DAPK2: variants seen among roughly 807,000 people sequenced by gnomAD.
DAPK2 encodes death-associated protein kinase 2.
Under a neutral mutation model 44.1 loss-of-function variants are expected in DAPK2, and 35 were observed. That is an observed-to-expected ratio of 0.79 (90% CI 0.61 to 1.05). DAPK2 has a LOEUF of 1.05. Ranked by LOEUF, DAPK2 falls within the 50% of genes least tolerant of loss-of-function variation. DAPK2 has a pLI of 0.00. For synonymous variants in DAPK2, 174 were observed against 182.6 expected (o/e 0.95, Z 0.38); for missense variants, 453 against 483.2 (o/e 0.94, Z 0.59).
Position 63,923,410 on chromosome 15 carries a change from G to C in DAPK2, c.858+1406C>G. The C allele has an allele frequency of 6.7e-7, 1 of 1,491,674 alleles. No individual in the cohort carries two copies. The highest frequency in any genetic ancestry group is 8.9e-7 in the Non-Finnish European group (1 of 1,123,862). 92.4% of individuals were successfully genotyped at this position (1,491,674 alleles called of 1,614,324 possible). A position where few individuals can be genotyped will look rare whatever the true frequency, so the allele number is the denominator to read the frequency against. ...CGCCCACCCCAGAGGGCAGTCCAAA[G>C]GGTAGGCAGAAGGCACACAAGCGGC... On this transcript the variant is annotated intron_variant, in intron 8 of 10. Coordinates refer to ENST00000261891, the Ensembl canonical transcript of DAPK2. This position sits in a 1 kb window ranked among gnomAD's most constrained non-coding sequence, Gnocchi z 4.2.
upstream of DAPK2, among the ~76,000 whole-genome samples, chr15:64,043,490 G>C (rs1428955380): frequency 6.6e-6 from 1 of 152,184 alleles, no homozygotes; most frequent in Non-Finnish European, 1.5e-5. Flanking sequence ...ACATAATGTT[G>C]AATGAAAGTA....
chr15:64,043,636 G>T (rs889672328), upstream of DAPK2, among the ~76,000 whole-genome samples: 1 of 152,200 alleles, frequency 6.6e-6, no homozygotes. Context: ...CAGAGTGCCA[G>T]CAATGTTGTT....
intron 1 of DAPK2, among the ~76,000 whole-genome samples, chr15:64,035,638 AT>A (rs1403798539): frequency 6.6e-6 from 1 of 152,152 alleles, no homozygotes. Flanking sequence ...GTTTCTCTTT[AT>A]GAGCCCTGCT....
In DAPK2 at chr15:64,006,882, A is replaced by G. The variant is rs547871900; in HGVS notation, c.93-23128T>C. Among the ~76,000 whole-genome samples the G allele has an allele frequency of 5.3e-5, 8 of 152,280 alleles. No homozygotes were observed. The East Asian group carries it at 1.2e-3, about 22-fold the overall frequency. On this transcript the variant is annotated intron_variant, in intron 1 of 10. Transcript: ENST00000261891. ...ATTACATCAATCTAGCAGGTAGCCAAGAAGGAAGTAGACATTATTCTTCCC... is the reference window on the plus strand; with the variant it reads ...ATTACATCAATCTAGCAGGTAGCCAGGAAGGAAGTAGACATTATTCTTCCC...
chr15:63,930,142 G>A (rs776700176), intron 5 of DAPK2, among the ~76,000 whole-genome samples: 3 of 152,168 alleles, frequency 2.0e-5, no homozygotes, highest in Non-Finnish European at 2.9e-5. Context: ...GTGAGTCTGC[G>A]CCTCCCCCTT....
intron 6 of DAPK2, 43 bp downstream of exon 7, chr15:63,929,508 C>A: frequency 1.2e-6 from 2 of 1,613,294 alleles, no homozygotes; most frequent in Non-Finnish European, 1.7e-6. Context: ...CTGGTTCCCC[C>A]AGATCTAAGC....
At chr15:63,968,817 G>A (rs558606160) in intron 3 of DAPK2, among the ~76,000 whole-genome samples, 2 of 152,276 alleles carry the variant, frequency 1.3e-5, no homozygotes, top group South Asian at 2.1e-4. Context: ...CAAACATCAC[G>A]AACCTGCTGC....
chr15:63,982,441 G>A (rs1435196273), intron 2 of DAPK2, among the ~76,000 whole-genome samples: 1 of 152,022 alleles, frequency 6.6e-6, no homozygotes, highest in Non-Finnish European at 1.5e-5. Context: ...GCCCGCCTTG[G>A]CCTCCCAAAG....
chr15:63,971,740 T>C (rs1273885131), intron 2 of DAPK2, among the ~76,000 whole-genome samples, 179 bp from the exon 4 acceptor site: 1 of 152,212 alleles, frequency 6.6e-6, no homozygotes, highest in Non-Finnish European at 1.5e-5. Flanking sequence ...TTTGCTCCTA[T>C]TTGCTTTGTT....
chr15:63,995,173 GGTT>G (rs888948321), intron 1 of DAPK2, among the ~76,000 whole-genome samples: 2 of 151,802 alleles, frequency 1.3e-5, no homozygotes, highest in Admixed American at 6.6e-5. Context: ...ATACATCCCT[GGTT>G]GTTGTTGTTG....
At chr15:63,925,828 A>T (rs2079241089) in intron 7 of DAPK2, 113 bp downstream of exon 8, 6 of 1,374,874 alleles carry the variant, frequency 4.4e-6, no homozygotes, top group Non-Finnish European at 6.1e-6. Context: ...GGATTAGACC[A>T]CAACAGTGCA....
At chr15:64,040,839 G>A (rs768347301), upstream of DAPK2, among the ~76,000 whole-genome samples, 51 of 148,046 alleles carry the variant, frequency 3.4e-4, 1 homozygote, top group Admixed American at 5.5e-4. Context: ...ACTTGAACCC[G>A]GGAGGCAGAG....
chr15:63,984,684 C>T (rs1267031102), intron 1 of DAPK2, among the ~76,000 whole-genome samples: 4 of 152,182 alleles, frequency 2.6e-5, no homozygotes, highest in African/African-American at 9.7e-5. Flanking sequence ...TTCTTGCCAC[C>T]CAAAATACCC....
At chr15:63,947,214 CT>C (rs1187415322) in intron 3 of DAPK2, among the ~76,000 whole-genome samples, 1 of 152,182 alleles carries the variant, frequency 6.6e-6, no homozygotes, top group African/African-American at 2.4e-5. Context: ...ACTGGAACTT[CT>C]TCTATGATCT....
chr15:64,033,914 C>CAA (rs1301906196), intron 1 of DAPK2, among the ~76,000 whole-genome samples: 4 of 103,708 alleles, frequency 3.9e-5, no homozygotes, highest in Non-Finnish European at 4.1e-5. Flanking sequence ...GACTCTGTCT[C>CAA]AAAAAAAAAA....
In DAPK2 at chr15:64,020,178, C is replaced by T. The variant is rs566836297; in HGVS notation, c.92+19992G>A. ...TTGCAGGACACTAAGTGCCAGAAGG[C>T]ACTTATATGCTAGAGATGGGGGAAA... is the stretch of plus-strand genomic sequence containing the variant. On this transcript the variant is annotated intron_variant, in intron 1 of 10. Transcript: ENST00000261891. The surrounding 1 kb of genome is among the most constrained non-coding windows in gnomAD (Gnocchi z 4.5). Among the ~76,000 whole-genome samples, 1 of 152,278 alleles carries T rather than the reference C, an allele frequency of 6.6e-6. No individual in the cohort carries two copies. Among genetic ancestry groups the T allele is most frequent in the Non-Finnish European group, 1.5e-5 (1 of 68,014 alleles).
At chr15:64,003,984 T>G (rs2079162959) in intron 1 of DAPK2, among the ~76,000 whole-genome samples, 1 of 152,222 alleles carries the variant, frequency 6.6e-6, no homozygotes, top group African/African-American at 2.4e-5. Flanking sequence ...CCATGTGCCT[T>G]AACTTTTTTT....
At chr15:63,982,351 C>G (rs1470537729) in intron 2 of DAPK2, among the ~76,000 whole-genome samples, 1 of 151,972 alleles carries the variant, frequency 6.6e-6, no homozygotes, top group Admixed American at 6.6e-5. Flanking sequence ...CCACCACACC[C>G]GGCTAATTTT....
chr15:63,990,475 CCT>C lies in DAPK2; in HGVS notation c.93-6723_93-6722del, dbSNP rs1283558460. Among the ~76,000 whole-genome samples, 1 of 151,872 alleles carries C rather than the reference CCT, an allele frequency of 6.6e-6. No individual in the cohort carries two copies. Among genetic ancestry groups the C allele is most frequent in the African/African-American group, 2.4e-5 (1 of 41,344 alleles). On this transcript the variant is annotated intron_variant, in intron 1 of 10. Transcript: ENST00000261891. This position sits in a 1 kb window ranked among gnomAD's most constrained non-coding sequence, Gnocchi z 4.3. ...TGGATTGAGTGGGTCTACCTCATTCCCTCTCTTAGTCGACTCTAAAGTGTCCA... is the reference window on the plus strand; with the variant it reads ...TGGATTGAGTGGGTCTACCTCATTCCCTCTTAGTCGACTCTAAAGTGTCCA...
Sources: gnomAD v4.1 joint callset for allele counts (sites outside exome capture counted in the v4.1 genomes callset) on GRCh38, gnomAD v4.1.1 for gene constraint, Gnocchi (gnomAD v3.1) non-coding constraint, MANE v1.5 for transcripts, NCBI Gene and HGNC (gene_info 2026-07-23, HGNC 2026-07-21) for gene names.